Variants in AKAP19 observed in about 807,000 individuals in gnomAD.
AKAP19 encodes A-kinase anchoring protein 19, also known as small A-kinase anchoring protein.
the AKAP19 span, among the ~76,000 whole-genome samples, chr2:189,982,214 T>G: frequency 6.7e-6 from 1 of 148,766 alleles, no homozygotes; most frequent in Non-Finnish European, 1.5e-5. Context: ...TTAAAAATTA[T>G]TTTTCCTTTA....
At chr2:190,152,965 A>G in the AKAP19 span, among the ~76,000 whole-genome samples, 1 of 149,366 alleles carries the variant, frequency 6.7e-6, no homozygotes, top group Non-Finnish European at 1.5e-5. Context: ...GCGTGATTTC[A>G]GCTTACTGCA....
At chr2:189,968,906 C>A in the AKAP19 span, among the ~76,000 whole-genome samples, 1 of 151,366 alleles carries the variant, frequency 6.6e-6, no homozygotes, top group Non-Finnish European at 1.5e-5. Flanking sequence ...ATAATATTTC[C>A]TATAGTATAA....
the AKAP19 span, among the ~76,000 whole-genome samples, chr2:190,075,318 T>G: frequency 9.2e-5 from 14 of 152,214 alleles, no homozygotes; most frequent in African/African-American, 3.4e-4. Flanking sequence ...ATGTTCTATC[T>G]TGGTGAATGT....
At chr2:190,059,926 A>G in the AKAP19 span, 4 of 797,790 alleles carry the variant, frequency 5.0e-6, no homozygotes, top group Non-Finnish European at 6.0e-6. Context: ...TATTGGGTAC[A>G]GGGCTACCGT....
the AKAP19 span, among the ~76,000 whole-genome samples, chr2:190,034,627 T>C: frequency 1.3e-5 from 2 of 149,830 alleles, no homozygotes; most frequent in African/African-American, 4.9e-5. Flanking sequence ...GGCGGATCAC[T>C]TGAGGCCAGG....
chr2:190,029,403 C>G, the AKAP19 span, among the ~76,000 whole-genome samples: 1 of 151,940 alleles, frequency 6.6e-6, no homozygotes, highest in Non-Finnish European at 1.5e-5. Context: ...AGAATTCGAG[C>G]TCTAAATATT....
At chr2:190,096,674 C>T in the AKAP19 span, among the ~76,000 whole-genome samples, 1 of 152,172 alleles carries the variant, frequency 6.6e-6, no homozygotes, top group African/African-American at 2.4e-5. Flanking sequence ...ATGTATGCTA[C>T]TATTACAAAA....
At chr2:189,930,420 T>C in the AKAP19 span, 1 of 267,590 alleles carries the variant, frequency 3.7e-6, no homozygotes, top group East Asian at 1.1e-4. Flanking sequence ...GCTTCACGCC[T>C]GTAATCCCAG....
chr2:190,153,271 T>C, the AKAP19 span, among the ~76,000 whole-genome samples: 1 of 152,384 alleles, frequency 6.6e-6, no homozygotes, highest in South Asian at 2.1e-4. Context: ...TTTTATATCC[T>C]GCTACTTTGC....
At chr2:190,185,287 G>A in the AKAP19 span, among the ~76,000 whole-genome samples, 2 of 152,204 alleles carry the variant, frequency 1.3e-5, no homozygotes, top group Non-Finnish European at 2.9e-5. Context: ...TCTTAGGTTT[G>A]TGACCAAGGC....
chr2:190,181,873 T>G, the AKAP19 span, among the ~76,000 whole-genome samples: 7 of 152,224 alleles, frequency 4.6e-5, no homozygotes, highest in African/African-American at 1.4e-4. Context: ...TTTTTCCCTT[T>G]GGATGAGGCT....
the AKAP19 span, among the ~76,000 whole-genome samples, chr2:190,175,173 T>C: frequency 6.6e-6 from 1 of 152,212 alleles, no homozygotes; most frequent in African/African-American, 2.4e-5. Context: ...ACTTATACCA[T>C]AGAAATATAG....
chr2:190,196,151 A>G, the AKAP19 span, among the ~76,000 whole-genome samples: 13 of 151,912 alleles, frequency 8.6e-5, no homozygotes, highest in East Asian at 2.1e-3. Context: ...CCAACCCCCA[A>G]TGTTCTTCCT....
the AKAP19 span, among the ~76,000 whole-genome samples, chr2:189,972,659 G>T: frequency 2.6e-5 from 4 of 152,004 alleles, no homozygotes; most frequent in Non-Finnish European, 5.9e-5. Flanking sequence ...TTATTTCGTT[G>T]AGCAGTGGTT....
At chr2:189,929,068 T>C in the AKAP19 span, among the ~76,000 whole-genome samples, 1 of 152,192 alleles carries the variant, frequency 6.6e-6, no homozygotes, top group African/African-American at 2.4e-5. Context: ...ATTCCTTCTT[T>C]TTTGAGATCA....
At chr2:189,981,601 G>T in the AKAP19 span, among the ~76,000 whole-genome samples, 1 of 152,098 alleles carries the variant, frequency 6.6e-6, no homozygotes, top group Non-Finnish European at 1.5e-5. Context: ...TGGGATCTGT[G>T]CATTTTGCAC....
chr2:189,974,371 C>T, the AKAP19 span, among the ~76,000 whole-genome samples: 1 of 152,244 alleles, frequency 6.6e-6, no homozygotes, highest in Non-Finnish European at 1.5e-5. Context: ...TGTTCTTTTA[C>T]ATTTGCTGAG....
At chr2:190,190,351 T>C in the AKAP19 span, among the ~76,000 whole-genome samples, 2 of 152,220 alleles carry the variant, frequency 1.3e-5, no homozygotes, top group African/African-American at 4.8e-5. Context: ...TGTCTGAGAT[T>C]CATCCATGTG....
the AKAP19 span, among the ~76,000 whole-genome samples, chr2:190,021,675 TC>T: frequency 2.6e-5 from 4 of 152,198 alleles, no homozygotes; most frequent in Non-Finnish European, 4.4e-5. Context: ...GCCATTTCTG[TC>T]CAATACCAGA....
Sources: allele counts gnomAD v4.1 joint callset (sites outside exome capture counted in the v4.1 genomes callset), GRCh38; gene constraint gnomAD v4.1.1; transcripts MANE v1.5; gene names NCBI Gene and HGNC (gene_info 2026-07-23, HGNC 2026-07-21).